Variants in PDE3A observed in about 807,000 individuals in gnomAD.
PDE3A encodes phosphodiesterase 3A.
PDE3A carries 43 observed loss-of-function variants against 98.3 expected under a neutral mutation model. The observed-to-expected ratio is 0.44, with a 90% CI of 0.34 to 0.56. The LOEUF is 0.56. PDE3A is among the 20% of genes least tolerant of loss of function. The probability of loss-of-function intolerance (pLI) is 0.01; values close to 1 mark genes in which losing one functional copy is unlikely to be tolerated. For missense variants in PDE3A, 1,427 were observed against 1,440.7 expected (o/e 0.99, Z 0.15); for synonymous variants, 663 against 567.9 (o/e 1.17, Z -2.38).
chr12:20,633,750 G>A lies in PDE3A; in HGVS notation c.1818G>A (p.Gly606=), dbSNP rs757295809. Residue 606 remains glycine (G), a synonymous_variant, in exon 7 of 16, where the codon GGG becomes GGA. Transcript: ENST00000359062. ...NPADEPLERS[G]VATRTPSRTD... Reference sequence around the variant, plus strand: ...CTGATGAGCCCCTGGAGAGAAGTGGGGTAGCCACTCGGACACCAAGTAGAA... The same window carrying A: ...CTGATGAGCCCCTGGAGAGAAGTGGAGTAGCCACTCGGACACCAAGTAGAA... 11 of 1,607,270 alleles carry A rather than the reference G, an allele frequency of 6.8e-6. No homozygotes were observed. In the Admixed American group the frequency reaches 1.7e-4, roughly 25 times the overall value.
intron 1 of PDE3A, among the ~76,000 whole-genome samples, chr12:20,553,781 A>T (rs1024070299): frequency 6.6e-6 from 1 of 152,240 alleles, no homozygotes; most frequent in Non-Finnish European, 1.5e-5. Context: ...GTCACGTGCA[A>T]GTGCCTTTGA....
Position 20,497,540 on chromosome 12 carries a change from A to C in PDE3A, c.961-59120A>C, listed in dbSNP as rs1945942668. On this transcript the variant is annotated intron_variant, in intron 1 of 15. Transcript: ENST00000359062. ...TACAAATTGTGCCCTAAAAAAAAAA[A>C]CAGGATCATGAGAAAACATAATAAT... 2.0e-5 allele frequency among the ~76,000 whole-genome samples: 3 copies of C among 151,706 alleles called. No individual in the cohort carries two copies. In the South Asian group the frequency reaches 6.2e-4, roughly 32 times the overall value.
intron 2 of PDE3A, among the ~76,000 whole-genome samples, chr12:20,595,964 T>G (rs1165273878): frequency 6.6e-6 from 1 of 152,160 alleles, no homozygotes; most frequent in African/African-American, 2.4e-5. Flanking sequence ...ATCCTCCTCC[T>G]TATTTTCAGA....
intron 2 of PDE3A, among the ~76,000 whole-genome samples, chr12:20,559,180 A>G (rs1177056082): frequency 6.6e-6 from 1 of 152,152 alleles, no homozygotes; most frequent in Admixed American, 6.5e-5. Context: ...GTTTAGATAC[A>G]CAAATACCAT....
At chr12:20,640,589 C>A (rs1245814557) in intron 10 of PDE3A, among the ~76,000 whole-genome samples, 3 of 152,062 alleles carry the variant, frequency 2.0e-5, no homozygotes, top group Non-Finnish European at 4.4e-5. Context: ...GGAAAACACA[C>A]AATCAAGTAT....
Position 20,386,018 on chromosome 12 carries a change from AATAT to A in PDE3A, c.960+15782_960+15785del, listed in dbSNP as rs1418640590. On this transcript the variant is annotated intron_variant, in intron 1 of 15. Coordinates refer to ENST00000359062, the MANE Select transcript of PDE3A (RefSeq NM_000921.5). Reference sequence around the variant, plus strand: ...AAAATATATATATAAATATATATAAAATATATATATAAATATATATAAAATATAT... The same window carrying A: ...AAAATATATATATAAATATATATAAAATATATAAATATATATAAAATATAT... Among the ~76,000 whole-genome samples, 401 of 78,582 alleles carry A rather than the reference AATAT, an allele frequency of 5.1e-3. 8 individuals are homozygous for A. The highest frequency in any genetic ancestry group is 0.018 in the African/African-American group (361 of 19,670). 51.6% of individuals were successfully genotyped at this position (78,582 alleles called of 152,430 possible).
Position 20,616,166 on chromosome 12 carries a change from T to C in PDE3A, c.1270-64T>C. ...TAATTAAAAGCTTGTTTCCTTCTAT[T>C]ATATTACATAAAATTTAAGAGATAT... On this transcript the variant is annotated intron_variant, in intron 3 of 15. Transcript: ENST00000359062. 2.1e-6 allele frequency: 3 copies of C among 1,416,184 alleles called. No homozygotes were observed. The South Asian group carries it at 3.8e-5, about 18-fold the overall frequency. 87.7% of individuals were successfully genotyped at this position (1,416,184 alleles called of 1,614,324 possible).
chr12:20,507,300 C>T (rs921096915), intron 1 of PDE3A, among the ~76,000 whole-genome samples: 1 of 151,950 alleles, frequency 6.6e-6, no homozygotes, highest in Non-Finnish European at 1.5e-5. Flanking sequence ...TAGGCTTTCT[C>T]AGTTTGATTT....
At chr12:20,600,643 G>A (rs1396944403) in intron 2 of PDE3A, among the ~76,000 whole-genome samples, 1 of 152,072 alleles carries the variant, frequency 6.6e-6, no homozygotes, top group Non-Finnish European at 1.5e-5. Context: ...GTACCCAATT[G>A]TGGAAAAATT....
chr12:20,600,780 G>C (rs1283492320), intron 2 of PDE3A, among the ~76,000 whole-genome samples: 4 of 152,120 alleles, frequency 2.6e-5, no homozygotes, highest in Admixed American at 2.0e-4. Context: ...GTATTTCAGT[G>C]TAACAATTCT....
At chr12:20,446,669 A>T (rs1012686041) in intron 1 of PDE3A, among the ~76,000 whole-genome samples, 2 of 152,200 alleles carry the variant, frequency 1.3e-5, no homozygotes, top group East Asian at 3.8e-4. Flanking sequence ...TCCAGTTAAC[A>T]ATAGGTAAAT....
At chr12:20,493,385 A>G (rs1474101671) in intron 1 of PDE3A, among the ~76,000 whole-genome samples, 6 of 152,338 alleles carry the variant, frequency 3.9e-5, no homozygotes, top group Non-Finnish European at 7.3e-5. Context: ...AAATAAAAAT[A>G]GAACTTACAT....
intron 1 of PDE3A, among the ~76,000 whole-genome samples, chr12:20,417,393 A>G (rs1351936688): frequency 6.6e-6 from 1 of 152,246 alleles, no homozygotes; most frequent in African/African-American, 2.4e-5. Flanking sequence ...ATCTTTAGAT[A>G]CTGGTATATT....
chr12:20,650,265 A>C (rs1282835825), intron 13 of PDE3A, among the ~76,000 whole-genome samples, 180 bp from the exon 14 acceptor site: 1 of 152,096 alleles, frequency 6.6e-6, no homozygotes, highest in African/African-American at 2.4e-5. Flanking sequence ...TTTTTTGTGA[A>C]CTATTTTTAC....
intron 1 of PDE3A, among the ~76,000 whole-genome samples, chr12:20,498,668 G>C (rs1185816622): frequency 6.6e-6 from 1 of 151,466 alleles, no homozygotes; most frequent in Non-Finnish European, 1.5e-5. Flanking sequence ...ACCCTTTTCT[G>C]TATCTCAGAT....
intron 15 of PDE3A, among the ~76,000 whole-genome samples, chr12:20,675,780 C>G (rs1418208373): frequency 6.6e-6 from 1 of 152,110 alleles, no homozygotes; most frequent in South Asian, 2.1e-4. Flanking sequence ...GCTACTCTTG[C>G]TTTTTTGCTT....
chr12:20,449,213 T>C (rs1369997599), intron 1 of PDE3A, among the ~76,000 whole-genome samples: 4 of 152,210 alleles, frequency 2.6e-5, no homozygotes, highest in African/African-American at 9.6e-5. Context: ...GATTGGAATA[T>C]AGAGGAATCT....
intron 2 of PDE3A, among the ~76,000 whole-genome samples, chr12:20,562,512 C>A (rs1370750680): frequency 1.2e-5 from 1 of 84,554 alleles, no homozygotes; most frequent in Non-Finnish European, 2.3e-5. Context: ...GCCACCGTGC[C>A]CAGCTGCTTT....
intron 2 of PDE3A, among the ~76,000 whole-genome samples, chr12:20,609,684 C>T (rs772032353): frequency 6.6e-6 from 1 of 151,940 alleles, no homozygotes; most frequent in Admixed American, 6.6e-5. Context: ...TAGCATGCTA[C>T]TGGCATAACA....
Sources: gnomAD v4.1 joint callset for allele counts (sites outside exome capture counted in the v4.1 genomes callset) on GRCh38, gnomAD v4.1.1 for gene constraint, MANE v1.5 for transcripts, NCBI Gene and HGNC (gene_info 2026-07-23, HGNC 2026-07-21) for gene names.